Variants in PRIM2 observed in about 807,000 individuals in gnomAD.
The protein encoded by PRIM2 is DNA primase subunit 2.
In PRIM2, 39 loss-of-function variants were observed where a neutral mutation model predicts 67.3. That is an observed-to-expected ratio of 0.58 (90% CI 0.45 to 0.76). The LOEUF is 0.76. Among genes scored for constraint, PRIM2 ranks in the 30% least tolerant of loss-of-function variants. The pLI is 0.00. For synonymous variants in PRIM2, 143 were observed against 198.7 expected (o/e 0.72, Z 2.36); for missense variants, 398 against 598.7 (o/e 0.66, Z 3.50).
chr6:57,306,413 T>C, the PRIM2 span, among the ~76,000 whole-genome samples: 9 of 152,282 alleles, frequency 5.9e-5, no homozygotes, highest in East Asian at 1.7e-3. Context: ...CATGTCATTA[T>C]AGCAAGAGAC....
At chr6:57,297,212 C>T in the PRIM2 span, among the ~76,000 whole-genome samples, 1 of 151,922 alleles carries the variant, frequency 6.6e-6, no homozygotes, top group African/African-American at 2.4e-5. Flanking sequence ...GAGGTTGAGG[C>T]GGGTGGATCA....
chr6:57,333,066 C>T (rs962098393), intron 5 of PRIM2, among the ~76,000 whole-genome samples: 2 of 152,044 alleles, frequency 1.3e-5, no homozygotes, highest in Admixed American at 1.3e-4. Context: ...CTTAGAATTA[C>T]AATTATATTT....
chr6:57,268,982 C>T, the PRIM2 span, among the ~76,000 whole-genome samples: 1 of 151,702 alleles, frequency 6.6e-6, no homozygotes, highest in Non-Finnish European at 1.5e-5. Flanking sequence ...TTTATGGCTG[C>T]ATAGTATTCC....
At chr6:57,263,631 C>T in the PRIM2 span, among the ~76,000 whole-genome samples, 1 of 152,160 alleles carries the variant, frequency 6.6e-6, no homozygotes. Flanking sequence ...TTCTGGGATC[C>T]TGAGAGTTGG....
intron 7 of PRIM2, among the ~76,000 whole-genome samples, chr6:57,407,528 C>T (rs1247384074): frequency 6.6e-6 from 1 of 151,684 alleles, no homozygotes; most frequent in Non-Finnish European, 1.5e-5. Context: ...AGAATGGCTA[C>T]TTTATAGGCT....
chr6:57,450,573 C>T (rs1248029920), intron 7 of PRIM2, among the ~76,000 whole-genome samples: 5 of 152,282 alleles, frequency 3.3e-5, no homozygotes, highest in African/African-American at 1.2e-4. Context: ...CTCAGTTTCC[C>T]CTGTCATATG....
intron 5 of PRIM2, among the ~76,000 whole-genome samples, chr6:57,335,958 T>G (rs9464437): frequency 6.6e-6 from 1 of 151,764 alleles, no homozygotes; most frequent in African/African-American, 2.4e-5. Context: ...TGGAAAACTT[T>G]GAAAAAAATT....
the PRIM2 span, among the ~76,000 whole-genome samples, chr6:57,254,362 C>T: frequency 1.3e-5 from 2 of 152,214 alleles, no homozygotes; most frequent in Non-Finnish European, 2.9e-5. Flanking sequence ...ACTCCAACTT[C>T]TCTATAACCC....
intron 13 of PRIM2, among the ~76,000 whole-genome samples, chr6:57,643,963 C>CCGT: frequency 6.6e-6 from 1 of 152,160 alleles, no homozygotes; most frequent in Non-Finnish European, 1.5e-5. Flanking sequence ...GTCTGCTGGT[C>CCGT]CGTCCACCAG....
intron 7 of PRIM2, among the ~76,000 whole-genome samples, chr6:57,464,814 C>T (rs1019370821): frequency 6.6e-6 from 1 of 152,202 alleles, no homozygotes; most frequent in Admixed American, 6.5e-5. Flanking sequence ...ATTACCACCA[C>T]TTTTTGAATA....
chr6:57,539,694 T>G (rs1775101973), intron 10 of PRIM2, among the ~76,000 whole-genome samples: 1 of 141,058 alleles, frequency 7.1e-6, no homozygotes, highest in Non-Finnish European at 1.5e-5. Flanking sequence ...GGAAATAAAA[T>G]TATAAGAAAC....
chr6:57,249,657 G>A, the PRIM2 span, among the ~76,000 whole-genome samples: 3 of 152,256 alleles, frequency 2.0e-5, no homozygotes, highest in African/African-American at 4.8e-5. Context: ...CAGGAGAATC[G>A]CTTGAACCCA....
At chr6:57,318,623 G>A (rs1257594431) in intron 2 of PRIM2, 24 bp downstream of exon 2, 2 of 1,508,356 alleles carry the variant, frequency 1.3e-6, no homozygotes, top group Non-Finnish European at 1.8e-6. Flanking sequence ...AAATTAGAAT[G>A]TATATATTCT....
intron 6 of PRIM2, among the ~76,000 whole-genome samples, chr6:57,380,330 CTG>C (rs1283888232): frequency 6.6e-6 from 1 of 152,210 alleles, no homozygotes; most frequent in African/African-American, 2.4e-5. Context: ...GCCCAACACT[CTG>C]TTTGGATTGC....
intron 5 of PRIM2, among the ~76,000 whole-genome samples, chr6:57,341,135 C>A (rs1283002607): frequency 6.6e-6 from 1 of 151,946 alleles, no homozygotes; most frequent in Admixed American, 6.6e-5. Flanking sequence ...TGTATACATC[C>A]CAGTGTGGTG....
intron 10 of PRIM2, among the ~76,000 whole-genome samples, chr6:57,581,617 A>G (rs1192768509): frequency 6.6e-6 from 1 of 152,238 alleles, no homozygotes; most frequent in Non-Finnish European, 1.5e-5. Flanking sequence ...TATCTCCCGT[A>G]GAACTCCCCC....
intron 5 of PRIM2, among the ~76,000 whole-genome samples, chr6:57,362,333 AAAATTGCTAC>A (rs1769228470): frequency 6.6e-6 from 1 of 152,192 alleles, no homozygotes; most frequent in Non-Finnish European, 1.5e-5. Flanking sequence ...TCTATAAGAG[AAAATTGCTAC>A]AAATCAATTT....
In PRIM2 at chr6:57,452,628, GTTGT is replaced by G. The variant is rs1315969008; in HGVS notation, c.694-54752_694-54749del. Among the ~76,000 whole-genome samples, 241 of 152,258 alleles carry G rather than the reference GTTGT, an allele frequency of 1.6e-3. 1 individual carries two copies. The highest frequency in any genetic ancestry group is 4.8e-3 in the African/African-American group (198 of 41,540). On this transcript the variant is annotated intron_variant, in intron 7 of 13. Transcript: ENST00000615550. ...TATCCTTTGCCCACTTGTTGATGGG[GTTGT>G]TTGTTTTTTTCTTGTAAATTTGTTT...
intron 5 of PRIM2, among the ~76,000 whole-genome samples, chr6:57,331,697 TTTCTC>T (rs1413526829): frequency 6.6e-6 from 1 of 152,168 alleles, no homozygotes; most frequent in African/African-American, 2.4e-5. Context: ...TATTCATAGT[TTTCTC>T]TTATCCTTTT....
Sources: gnomAD v4.1 joint callset for allele counts (sites outside exome capture counted in the v4.1 genomes callset) on GRCh38, gnomAD v4.1.1 for gene constraint, MANE v1.5 for transcripts, NCBI Gene and HGNC (gene_info 2026-07-23, HGNC 2026-07-21) for gene names.